NCAM1: variants seen among roughly 807,000 people sequenced by gnomAD.
The protein encoded by NCAM1 is antigen recognized by monoclonal antibody 5.1H11.
Under a neutral mutation model 109.8 loss-of-function variants are expected in NCAM1, and 14 were observed. The observed-to-expected ratio is 0.13, with a 90% CI of 0.08 to 0.20. The LOEUF is 0.20. NCAM1 is among the 10% of genes least tolerant of loss of function. The pLI is 1.00. For synonymous variants in NCAM1, 418 were observed against 442.9 expected (o/e 0.94, Z 0.70); for missense variants, 774 against 1,109.9 (o/e 0.70, Z 4.30).
intron 1 of NCAM1, among the ~76,000 whole-genome samples, chr11:113,143,847 G>A (rs1319860482): frequency 2.0e-5 from 3 of 152,202 alleles, no homozygotes; most frequent in Admixed American, 2.0e-4. Context: ...GCATGGCATT[G>A]TGTGTATTCG....
rs781949758 is a variant in NCAM1 at position 112,961,496 on chromosome 11, C to T, written c.-117C>T. 15 of 799,978 alleles carry T rather than the reference C, an allele frequency of 1.9e-5. No individual in the cohort carries two copies. The highest frequency in any genetic ancestry group is 3.4e-5 in the Admixed American group (2 of 58,872). The allele number at this position is 799,978 out of a possible 1,614,324, so 49.6% of individuals were successfully genotyped here. A position where few individuals can be genotyped will look rare whatever the true frequency, so the allele number is the denominator to read the frequency against. ...ACAATTCTGCAAAAATAATCATACTCAGCCTGGCAATTGTCTGCCCCTAGG... is the reference window on the plus strand; with the variant it reads ...ACAATTCTGCAAAAATAATCATACTTAGCCTGGCAATTGTCTGCCCCTAGG... On this transcript the variant is annotated 5_prime_UTR_variant, in exon 1 of 20. Transcript: ENST00000316851.
chr11:113,078,870 T>TA (rs1938654500), intron 1 of NCAM1, among the ~76,000 whole-genome samples: 1 of 152,140 alleles, frequency 6.6e-6, no homozygotes, highest in South Asian at 2.1e-4. Context: ...ATGATCCACT[T>TA]ATATTTTTGC....
In NCAM1 at chr11:113,277,232, C is replaced by T; in HGVS notation, c.*1845C>T. The stretch of plus-strand genomic sequence containing the variant: ...GGGTCCATTCTGTGGGCCACTCTCC[C>T]CAACGTTCTGACACTTCTGCAGTCT... On this transcript the variant is annotated 3_prime_UTR_variant, in exon 20 of 20. Transcript: ENST00000316851. 7.5e-6 allele frequency: 3 copies of T among 398,076 alleles called. No individual in the cohort carries two copies. Among genetic ancestry groups the T allele is most frequent in the Non-Finnish European group, 1.3e-5 (3 of 225,722 alleles). 24.7% of individuals were successfully genotyped at this position (398,076 alleles called of 1,614,324 possible).
chr11:113,155,684 G>A (rs1468478280), intron 1 of NCAM1, among the ~76,000 whole-genome samples: 3 of 152,058 alleles, frequency 2.0e-5, no homozygotes, highest in African/African-American at 7.2e-5. Context: ...AGGTCCCAGT[G>A]GTCTTTAGTT....
At chr11:113,239,725 GA>G (rs1945272640) in intron 14 of NCAM1, among the ~76,000 whole-genome samples, 1 of 152,134 alleles carries the variant, frequency 6.6e-6, no homozygotes, top group African/African-American at 2.4e-5. Context: ...GCTAAACAAA[GA>G]AAAGAGAGGG....
intron 1 of NCAM1, among the ~76,000 whole-genome samples, chr11:112,975,440 A>C (rs1454092033): frequency 6.6e-6 from 1 of 152,014 alleles, no homozygotes; most frequent in Non-Finnish European, 1.5e-5. Flanking sequence ...ACCACGTTCA[A>C]AAAGTTTTTT....
At chr11:113,177,325 A>G (rs1943187228) in intron 1 of NCAM1, among the ~76,000 whole-genome samples, 1 of 152,050 alleles carries the variant, frequency 6.6e-6, no homozygotes, top group South Asian at 2.1e-4. Flanking sequence ...CTGCCATCCT[A>G]CCTTATGTGG....
At chr11:113,046,349 A>G (rs961830254) in intron 1 of NCAM1, among the ~76,000 whole-genome samples, 2 of 152,242 alleles carry the variant, frequency 1.3e-5, no homozygotes, top group African/African-American at 4.8e-5. Context: ...AGGCAGTCCA[A>G]TGTCAGAGCT....
intron 1 of NCAM1, among the ~76,000 whole-genome samples, chr11:112,987,222 G>T (rs782557941): frequency 1.1e-4 from 17 of 151,964 alleles, no homozygotes; most frequent in Non-Finnish European, 1.5e-5. Context: ...TCCTGTTTTT[G>T]ATTTCTGGTT....
At position 113,232,320 on chromosome 11, in the gene NCAM1, A is replaced by G; in HGVS notation, c.1391A>G (p.Lys464Arg). The G allele has an allele frequency of 6.2e-7, 1 of 1,613,278 alleles. No homozygotes were observed. Among genetic ancestry groups the G allele is most frequent in the Non-Finnish European group, 8.5e-7 (1 of 1,179,468 alleles). ...CCAAGCTCCAATTACAGCAATATCAAGATCTACAACACCCCCTCTGCCAGC... is the reference window on the plus strand; with the variant it reads ...CCAAGCTCCAATTACAGCAATATCAGGATCTACAACACCCCCTCTGCCAGC... Reference protein sequence around the residue: ...LLPSSNYSNIKIYNTPSASYL... With the variant: ...LLPSSNYSNIRIYNTPSASYL... The change falls in exon 11 of 20, where the codon AAG (lysine) becomes AGG (arginine). Residue 464 changes from lysine to arginine, a missense_variant. By Grantham distance (26) the Lys-to-Arg change is conservative. This residue lies in a region of NCAM1 where 523 missense variants were observed against 784.2 expected (regional missense o/e 0.67). Transcript: ENST00000316851.
chr11:113,186,285 G>T (rs1943506280), intron 1 of NCAM1, among the ~76,000 whole-genome samples: 2 of 152,168 alleles, frequency 1.3e-5, no homozygotes, highest in Non-Finnish European at 1.5e-5. Context: ...GATTCTCATA[G>T]AAGTGCGTGC....
At chr11:113,261,196 C>T (rs1945984988) in intron 17 of NCAM1, among the ~76,000 whole-genome samples, 1 of 151,976 alleles carries the variant, frequency 6.6e-6, no homozygotes, top group Non-Finnish European at 1.5e-5. Context: ...GGCAGCCCCC[C>T]TCATGCCTGC....
At chr11:113,067,639 C>T (rs1283514826) in intron 1 of NCAM1, among the ~76,000 whole-genome samples, 3 of 152,208 alleles carry the variant, frequency 2.0e-5, no homozygotes, top group Non-Finnish European at 2.9e-5. Flanking sequence ...CCACCTGTAA[C>T]GAATACTGCA....
At chr11:113,063,090 G>T (rs1396628162) in intron 1 of NCAM1, among the ~76,000 whole-genome samples, 1 of 152,224 alleles carries the variant, frequency 6.6e-6, no homozygotes, top group African/African-American at 2.4e-5. Flanking sequence ...AGAAGGCCAG[G>T]TTTCTGAAGC....
At chr11:113,130,985 C>A (rs957725220) in intron 1 of NCAM1, among the ~76,000 whole-genome samples, 7 of 152,112 alleles carry the variant, frequency 4.6e-5, no homozygotes, top group African/African-American at 1.4e-4. Context: ...TACTAGAGAC[C>A]TTTTCTTTTC....
At chr11:113,214,942 G>A (rs1010326310) in intron 8 of NCAM1, among the ~76,000 whole-genome samples, 1 of 152,164 alleles carries the variant, frequency 6.6e-6, no homozygotes, top group African/African-American at 2.4e-5. Flanking sequence ...TCTTGTGTTT[G>A]TATACTCATG....
At chr11:113,229,217 G>T (rs1944932445) in intron 9 of NCAM1, among the ~76,000 whole-genome samples, 1 of 150,316 alleles carries the variant, frequency 6.7e-6, no homozygotes, top group Non-Finnish European at 1.5e-5. Context: ...AATCTACAAT[G>T]AACTCAAACA....
At chr11:113,085,906 G>A (rs975401663) in intron 1 of NCAM1, among the ~76,000 whole-genome samples, 1 of 152,170 alleles carries the variant, frequency 6.6e-6, no homozygotes, top group South Asian at 2.1e-4. Flanking sequence ...CTCATCTGGG[G>A]TTATGCCAAC....
chr11:112,983,195 TG>T (rs1951199404), intron 1 of NCAM1, among the ~76,000 whole-genome samples: 1 of 152,022 alleles, frequency 6.6e-6, no homozygotes, highest in African/African-American at 2.4e-5. Context: ...TCAGTTTTAA[TG>T]AAGTTTGTTT....
Sources: allele counts gnomAD v4.1 joint callset (sites outside exome capture counted in the v4.1 genomes callset), GRCh38; gene constraint gnomAD v4.1.1; regional missense constraint gnomAD v4.1.1; transcripts MANE v1.5; gene names NCBI Gene and HGNC (gene_info 2026-07-23, HGNC 2026-07-21).